The following ST3GAL3 variants were observed in gnomAD, a reference collection of about 807,000 sequenced individuals.
ST3GAL3 encodes the protein CMP-N-acetylneuraminate-beta-1,4-galactoside alpha-2,3-sialyltransferase.
A neutral mutation model predicts 50.1 loss-of-function variants in ST3GAL3; 21 were observed. That is an observed-to-expected ratio of 0.42 (90% confidence interval 0.30 to 0.60). The LOEUF is 0.60. ST3GAL3 is among the 20% of genes least tolerant of loss of function. The pLI is 0.19. For missense variants in ST3GAL3, 353 were observed against 489.4 expected (o/e 0.72, Z 2.63); for synonymous variants, 183 against 190.0 (o/e 0.96, Z 0.30).
chr1:43,910,257 C>T (rs932047193), intron 9 of ST3GAL3, among the ~76,000 whole-genome samples: 1 of 152,154 alleles, frequency 6.6e-6, no homozygotes. Flanking sequence ...GCAGTCCTGC[C>T]GAGGGTGTGG....
At chr1:43,907,714 T>C (rs2080052178) in intron 9 of ST3GAL3, among the ~76,000 whole-genome samples, 1 of 152,202 alleles carries the variant, frequency 6.6e-6, no homozygotes. Flanking sequence ...GCCATCTCCC[T>C]TCACCTTCTC....
chr1:43,841,427 C>G (rs868619698), intron 5 of ST3GAL3: 1 of 152,228 alleles, frequency 6.6e-6, no homozygotes, highest in Non-Finnish European at 1.5e-5. Context: ...CAAGAATCCT[C>G]CATTCTTGCA....
chr1:43,728,988 C>G (rs1291012779), intron 1 of ST3GAL3, among the ~76,000 whole-genome samples: 4 of 152,000 alleles, frequency 2.6e-5, no homozygotes, highest in Non-Finnish European at 4.4e-5. Context: ...TGCCTAGGCT[C>G]AAGTGCTCCT....
chr1:43,879,355 T>C (rs1432122451), intron 5 of ST3GAL3: 6 of 456,084 alleles, frequency 1.3e-5, no homozygotes, highest in Non-Finnish European at 4.4e-6. Context: ...CGAACCTTCA[T>C]GGCATGGTTG....
chr1:43,926,956 G>T (rs1268623322), intron 11 of ST3GAL3, among the ~76,000 whole-genome samples: 1 of 152,114 alleles, frequency 6.6e-6, no homozygotes. Flanking sequence ...GGCCAACATT[G>T]TTCCATCTCT....
chr1:43,788,566 G>A (rs1175105938), intron 2 of ST3GAL3, among the ~76,000 whole-genome samples: 6 of 152,146 alleles, frequency 3.9e-5, no homozygotes, highest in Admixed American at 3.9e-4. Flanking sequence ...AGGACTGATT[G>A]GAACTGATGG....
chr1:43,797,307 T>C (rs749548097), intron 3 of ST3GAL3, among the ~76,000 whole-genome samples: 1 of 152,096 alleles, frequency 6.6e-6, no homozygotes, highest in African/African-American at 2.4e-5. Context: ...AACTATCCAA[T>C]TGGAACAACA....
chr1:43,875,960 T>TTAG (rs2074031781), intron 5 of ST3GAL3, among the ~76,000 whole-genome samples: 2 of 97,778 alleles, frequency 2.0e-5, no homozygotes, highest in Non-Finnish European at 4.9e-5. Flanking sequence ...CTTATTATTA[T>TTAG]TATTATTATT....
intron 1 of ST3GAL3, among the ~76,000 whole-genome samples, chr1:43,725,527 G>A (rs1046786846): frequency 5.3e-5 from 8 of 152,118 alleles, no homozygotes; most frequent in African/African-American, 1.9e-4. Context: ...ATACAGGGAG[G>A]CCAAGTGCAG....
At chr1:43,814,121 C>T (rs2060954421) in intron 3 of ST3GAL3, among the ~76,000 whole-genome samples, 1 of 152,134 alleles carries the variant, frequency 6.6e-6, no homozygotes, top group African/African-American at 2.4e-5. Context: ...TTAGTTTTAG[C>T]TATGGAAAAT....
At chr1:43,719,565 C>T (rs1571305161) in intron 1 of ST3GAL3, among the ~76,000 whole-genome samples, 1 of 150,750 alleles carries the variant, frequency 6.6e-6, no homozygotes, top group East Asian at 2.0e-4. Context: ...CATGGGAGGC[C>T]GAGGCACGAG....
intron 11 of ST3GAL3, among the ~76,000 whole-genome samples, chr1:43,925,463 G>T (rs1411207638): frequency 1.3e-5 from 2 of 152,124 alleles, no homozygotes; most frequent in African/African-American, 2.4e-5. Flanking sequence ...TGTAAAAAAG[G>T]CCTGCCACGT....
intron 2 of ST3GAL3, among the ~76,000 whole-genome samples, chr1:43,746,721 CA>C (rs1683847288): frequency 6.6e-6 from 1 of 150,942 alleles, no homozygotes; most frequent in East Asian, 2.0e-4. Flanking sequence ...CTTGGCCTCC[CA>C]AAGTGCTGGG....
intron 4 of ST3GAL3, among the ~76,000 whole-genome samples, chr1:43,820,653 T>C (rs1224789199): frequency 1.3e-5 from 2 of 152,224 alleles, no homozygotes; most frequent in Non-Finnish European, 2.9e-5. Context: ...GTGGCTTATA[T>C]TTTCTTTTAG....
intron 2 of ST3GAL3, among the ~76,000 whole-genome samples, chr1:43,758,902 G>C (rs370564272): frequency 5.7e-4 from 86 of 152,030 alleles, no homozygotes; most frequent in African/African-American, 2.0e-3. Context: ...TCAGGCAGGC[G>C]TGGTGGCGTG....
At chr1:43,707,801 G>T (rs1300922459) in intron 1 of ST3GAL3, 108 bp downstream of exon 1, 1 of 152,094 alleles carries the variant, frequency 6.6e-6, no homozygotes, top group Non-Finnish European at 1.5e-5. Flanking sequence ...GCTGGGCGGG[G>T]CGCGGAGCCC....
In ST3GAL3 at chr1:43,920,668, G is replaced by C. The variant is rs2082878051; in HGVS notation, c.892-114G>C. 1.9e-6 allele frequency: 3 copies of C among 1,606,416 alleles called. No individual in the cohort carries two copies. In the South Asian group the frequency reaches 3.3e-5, roughly 18 times the overall value. ...GCAAAATAGCTTTCTGGGGAAGAGG[G>C]CTCAGTCCTTGGGCATGGAGGCTAG... is the stretch of plus-strand genomic sequence containing the variant. On this transcript the variant is annotated intron_variant, in intron 10 of 11. Coordinates refer to ENST00000347631, the MANE Select transcript of ST3GAL3 (RefSeq NM_006279.5).
In ST3GAL3 at chr1:43,717,892, GA is replaced by G. The variant is rs1468132905; in HGVS notation, c.-31+10200del. Reference sequence around the variant, plus strand: ...ATGAATTTTTTTTTTTTTTAAATGAGACGGAGTTTCACTCTTGTTGCCCAGG... The same window carrying G: ...ATGAATTTTTTTTTTTTTTAAATGAGCGGAGTTTCACTCTTGTTGCCCAGG... On this transcript the variant is annotated intron_variant, in intron 1 of 11. Transcript: ENST00000347631. Among the ~76,000 whole-genome samples the G allele has an allele frequency of 7.3e-5, 11 of 150,504 alleles. No homozygotes were observed. In the East Asian group the frequency reaches 1.8e-3, roughly 24 times the overall value.
chr1:43,716,429 C>T lies in ST3GAL3; in HGVS notation c.-31+8736C>T, dbSNP rs150498756. ...TCAGAGTTTCTCGCTGTCTCATTGTCAAGTTTAGTTATGATCCTATTTAAA... is the reference window on the plus strand; with the variant it reads ...TCAGAGTTTCTCGCTGTCTCATTGTTAAGTTTAGTTATGATCCTATTTAAA... On this transcript the variant is annotated intron_variant, in intron 1 of 11. Transcript: ENST00000347631. The T allele has an allele frequency of 3.3e-4, 51 of 152,260 alleles. 1 individual carries two copies. The East Asian group carries it at 9.6e-3, about 29-fold the overall frequency. 9.4% of individuals were successfully genotyped at this position (152,260 alleles called of 1,614,324 possible).
Sources: allele counts gnomAD v4.1 joint callset (sites outside exome capture counted in the v4.1 genomes callset), GRCh38; gene constraint gnomAD v4.1.1; transcripts MANE v1.5; gene names NCBI Gene and HGNC (gene_info 2026-07-23, HGNC 2026-07-21).